CFAP299: variants seen among roughly 807,000 people sequenced by gnomAD.
CFAP299 encodes the protein cilia and flagella associated protein 299, also known as cilia- and flagella-associated protein 299.
CFAP299 carries 21 observed loss-of-function variants against 27.0 expected under a neutral mutation model. That is an observed-to-expected ratio of 0.78 (90% CI 0.55 to 1.12). The LOEUF (loss-of-function observed/expected upper bound fraction) is 1.12. Among genes scored for constraint, CFAP299 ranks in the 50% most tolerant of loss-of-function variants. The pLI is 0.00. For missense variants in CFAP299, 310 were observed against 276.6 expected, an observed-to-expected ratio of 1.12 and a Z score of -0.86; for synonymous variants, 104 against 98.1, an observed-to-expected ratio of 1.06 and a Z score of -0.36.
intron 4 of CFAP299, among the ~76,000 whole-genome samples, chr4:80,935,900 TACATGAACAGAGAC>T (rs1736865119): frequency 6.6e-6 from 1 of 151,930 alleles, no homozygotes; most frequent in Admixed American, 6.6e-5. Flanking sequence ...GTGGGTAAAG[TACATGAACAGAGAC>T]ACTTTACAAA....
chr4:80,685,566 T>G (rs916946497), intron 3 of CFAP299, among the ~76,000 whole-genome samples: 36 of 142,722 alleles, frequency 2.5e-4, no homozygotes, highest in Non-Finnish European at 4.6e-4. Context: ...GGTGCTAATT[T>G]AGACCATATG....
At chr4:80,673,599 A>G (rs1050159655) in intron 3 of CFAP299, among the ~76,000 whole-genome samples, 3 of 152,114 alleles carry the variant, frequency 2.0e-5, no homozygotes. Flanking sequence ...TGATCTGTCT[A>G]ATATTGACAG....
chr4:80,397,610 G>C (rs576848228), intron 2 of CFAP299, among the ~76,000 whole-genome samples: 1 of 152,204 alleles, frequency 6.6e-6, no homozygotes, highest in South Asian at 2.1e-4. Flanking sequence ...AATAGATGCA[G>C]AAAACGCCTT....
chr4:80,700,475 G>T (rs1334547865), intron 3 of CFAP299, among the ~76,000 whole-genome samples: 8 of 152,058 alleles, frequency 5.3e-5, no homozygotes, highest in Admixed American at 3.3e-4. Flanking sequence ...AAGAAAGTTG[G>T]AAAGCTAAGG....
chr4:80,659,790 T>C (rs1031855532), intron 3 of CFAP299, among the ~76,000 whole-genome samples: 1 of 152,110 alleles, frequency 6.6e-6, no homozygotes, highest in Non-Finnish European at 1.5e-5. Context: ...ATATTTACTT[T>C]GTATTTCTGC....
At chr4:80,933,314 AC>A (rs143911591) in intron 4 of CFAP299, among the ~76,000 whole-genome samples, 1 of 151,640 alleles carries the variant, frequency 6.6e-6, no homozygotes. Context: ...TCCTCCCAGC[AC>A]CCCCTAGCAA....
chr4:80,838,699 T>C (rs1578170762), intron 3 of CFAP299, among the ~76,000 whole-genome samples: 1 of 152,316 alleles, frequency 6.6e-6, no homozygotes, highest in Middle Eastern at 3.4e-3. Flanking sequence ...GGTAGTGTGA[T>C]GCCTCCAGCC....
At position 80,555,231 on chromosome 4, in the gene CFAP299, CT is replaced by C. The variant is rs1349919284; in HGVS notation, c.243-27858del. Among the ~76,000 whole-genome samples, 4 of 152,108 alleles carry C rather than the reference CT, an allele frequency of 2.6e-5. No individual in the cohort carries two copies. The East Asian group carries it at 5.8e-4, about 22-fold the overall frequency. On this transcript the variant is annotated intron_variant, in intron 2 of 5. Transcript: ENST00000358105. The stretch of plus-strand genomic sequence containing the variant: ...AGGGGTGTTGAATTTTATTGAATGC[CT>C]TTTCTGTGTCTATTGAAATAATCAT...
rs569322205 is a variant in CFAP299, at chr4:80,688,018, G to A, written c.333+104835G>A. 1.4e-4 allele frequency among the ~76,000 whole-genome samples: 22 copies of A among 152,322 alleles called. No individual in the cohort carries two copies. The South Asian group carries it at 1.5e-3, about 10-fold the overall frequency. On this transcript the variant is annotated intron_variant, in intron 3 of 5. Coordinates refer to ENST00000358105, the MANE Select transcript of CFAP299 (RefSeq NM_152770.3). ...ACGGCGCACCAGGAGATTGTGTCCC[G>A]CACCTGGCTCGGAGGGTCCTACACC...
At chr4:80,731,316 G>A (rs1228187240) in intron 3 of CFAP299, among the ~76,000 whole-genome samples, 1 of 152,116 alleles carries the variant, frequency 6.6e-6, no homozygotes, top group Non-Finnish European at 1.5e-5. Context: ...ACAAAAACAG[G>A]CACAGTAAAA....
intron 3 of CFAP299, among the ~76,000 whole-genome samples, chr4:80,666,264 A>T (rs1440961553): frequency 3.3e-5 from 5 of 152,106 alleles, no homozygotes; most frequent in African/African-American, 1.2e-4. Flanking sequence ...TATGTCTCAG[A>T]GTCTTATTCA....
intron 2 of CFAP299, among the ~76,000 whole-genome samples, chr4:80,377,301 T>C (rs1004675133): frequency 1.3e-5 from 2 of 152,126 alleles, no homozygotes; most frequent in Non-Finnish European, 2.9e-5. Context: ...TTTTGTAAAT[T>C]TTGTTAGGTA....
chr4:80,738,776 T>C (rs1724073032), intron 3 of CFAP299, among the ~76,000 whole-genome samples: 2 of 151,994 alleles, frequency 1.3e-5, no homozygotes, highest in African/African-American at 4.8e-5. Context: ...GCCATTTTAT[T>C]ATCTGTTTTC....
chr4:80,670,920 T>A (rs902878638), intron 3 of CFAP299, among the ~76,000 whole-genome samples: 5 of 152,216 alleles, frequency 3.3e-5, no homozygotes, highest in African/African-American at 1.2e-4. Context: ...TTGCAAAAAT[T>A]TTCTCCCATT....
intron 3 of CFAP299, among the ~76,000 whole-genome samples, chr4:80,653,427 T>TC (rs33918445): frequency 0.93 from 141,835 of 152,104 alleles, 66,204 homozygotes; most frequent in East Asian, 1. Flanking sequence ...ACAAATGGCC[T>TC]CCTACTGATC....
intron 1 of CFAP299, among the ~76,000 whole-genome samples, chr4:80,348,780 A>G (rs1348448432): frequency 1.3e-5 from 2 of 152,242 alleles, no homozygotes; most frequent in African/African-American, 4.8e-5. Context: ...TATATGAAAT[A>G]CCGAGGAATC....
intron 2 of CFAP299, among the ~76,000 whole-genome samples, chr4:80,523,626 G>A (rs1245941952): frequency 6.6e-6 from 1 of 152,036 alleles, no homozygotes; most frequent in Non-Finnish European, 1.5e-5. Flanking sequence ...AAATATGAAG[G>A]AAGGGTGATC....
At chr4:80,755,250 T>A (rs972455365) in intron 3 of CFAP299, among the ~76,000 whole-genome samples, 1 of 151,992 alleles carries the variant, frequency 6.6e-6, no homozygotes, top group Non-Finnish European at 1.5e-5. Flanking sequence ...CAAGACACAT[T>A]AGGCTGCATG....
At chr4:80,774,107 G>C (rs1323183032) in intron 3 of CFAP299, among the ~76,000 whole-genome samples, 6 of 151,834 alleles carry the variant, frequency 4.0e-5, no homozygotes, top group African/African-American at 1.4e-4. Context: ...TTTTCCCAAT[G>C]TATGAAAAGA....
Sources: gnomAD v4.1 joint callset for allele counts (sites outside exome capture counted in the v4.1 genomes callset) on GRCh38, gnomAD v4.1.1 for gene constraint, MANE v1.5 for transcripts, NCBI Gene and HGNC (gene_info 2026-07-23, HGNC 2026-07-21) for gene names.